The following CHD8 variants were observed in gnomAD, a reference collection of about 807,000 sequenced individuals.
CHD8 encodes the protein chromodomain helicase DNA binding protein 8, also known as ATP-dependent chromatin remodeler CHD8.
Under a neutral mutation model 279.2 loss-of-function variants are expected in CHD8, and 31 were observed. The ratio of observed to expected loss-of-function variants is 0.11; its 90% CI spans 0.08 to 0.15. The LOEUF is 0.15. Ranked by LOEUF, CHD8 falls within the 10% of genes least tolerant of loss-of-function variation. CHD8 has a pLI of 1.00. For synonymous variants in CHD8, 1,081 were observed against 1,139.6 expected (o/e 0.95, Z 1.04); for missense variants, 2,146 against 3,230.5 (o/e 0.66, Z 8.14).
intron 1 of CHD8, among the ~76,000 whole-genome samples, chr14:21,441,842 T>C (rs995808334): frequency 2.0e-5 from 3 of 151,912 alleles, no homozygotes; most frequent in Non-Finnish European, 4.4e-5. Flanking sequence ...TGAGCCAAGA[T>C]TGCGCCACTG....
At position 21,408,687 on chromosome 14, in the gene CHD8, C is replaced by T; in HGVS notation, c.2486+17G>A. ...CCAGAACTAAGCTTACATCTTATGGCCCATTCTTTCCTTTACCTGTTATAC... is the reference window on the plus strand; with the variant it reads ...CCAGAACTAAGCTTACATCTTATGGTCCATTCTTTCCTTTACCTGTTATAC... On this transcript the variant is annotated intron_variant, in intron 12 of 37. Transcript: ENST00000646647. This position sits in a 1 kb window ranked among gnomAD's most constrained non-coding sequence, Gnocchi z 4.3. The T allele has an allele frequency of 6.2e-7, 1 of 1,606,792 alleles. No homozygotes were observed. The highest frequency in any genetic ancestry group is 1.3e-5 in the African/African-American group (1 of 74,838).
At chr14:21,393,324 T>C (rs1887631511) in intron 32 of CHD8, 70 bp from the exon 33 acceptor site, 4 of 1,582,614 alleles carry the variant, frequency 2.5e-6, no homozygotes, top group South Asian at 1.1e-5. Context: ...TGGTATTATA[T>C]GGGCTTTGAA....
chr14:21,437,065 G>C, intron 1 of CHD8: 1 of 765,462 alleles, frequency 1.3e-6, no homozygotes, highest in African/African-American at 1.8e-5. Flanking sequence ...AAGATGCGGG[G>C]GGTGGGGGGT....
At chr14:21,429,542 G>T in intron 2 of CHD8, 1 of 702,126 alleles carries the variant, frequency 1.4e-6, no homozygotes, top group Non-Finnish European at 2.6e-6. Context: ...CCAGGCTAGA[G>T]TGCAGTGGCT....
At chr14:21,446,070 T>TA (rs2139569092) in intron 1 of CHD8, among the ~76,000 whole-genome samples, 1 of 152,100 alleles carries the variant, frequency 6.6e-6, no homozygotes, top group South Asian at 2.1e-4. Flanking sequence ...CAGGCACCTG[T>TA]AATCCCAGCT....
At chr14:21,445,391 G>A (rs1306327185) in intron 1 of CHD8, among the ~76,000 whole-genome samples, 1 of 151,440 alleles carries the variant, frequency 6.6e-6, no homozygotes, top group Non-Finnish European at 1.5e-5. Flanking sequence ...CCAAGATGGT[G>A]AAACCCTGGC....
chr14:21,387,073 T>C (rs1887282583), intron 37 of CHD8, among the ~76,000 whole-genome samples: 1 of 152,256 alleles, frequency 6.6e-6, no homozygotes, highest in Admixed American at 6.5e-5. Context: ...CATATCTGAA[T>C]TTTAAATGGC....
Position 21,415,784 on chromosome 14 carries a change from G to C in CHD8, c.1840C>G (p.Leu614Val), listed in dbSNP as rs1243468651. 1 of 1,613,956 alleles carries C rather than the reference G, an allele frequency of 6.2e-7. No individual in the cohort carries two copies. Among genetic ancestry groups the C allele is most frequent in the South Asian group, 1.1e-5 (1 of 91,084 alleles). Residue 614 changes from leucine to valine, a missense_variant, in exon 6 of 38, where the codon CTC becomes GTC. Around this residue, in one of 26 missense-constraint regions of CHD8, gnomAD observed 123 missense variants for 169.2 expected, o/e 0.73. Coordinates refer to ENST00000646647, the MANE Select transcript of CHD8 (RefSeq NM_001170629.2). ...TCTGGTTCTTGCACTGGTTCAGGGA[G>C]GATAGGCTCAGGTTTTATTGGACCA... ...VTGPIKPEPILPEPVQEPDGE... is the reference protein window; with the variant it reads ...VTGPIKPEPIVPEPVQEPDGE...
At chr14:21,432,928 T>A (rs572369295) in intron 1 of CHD8, among the ~76,000 whole-genome samples, 1 of 152,204 alleles carries the variant, frequency 6.6e-6, no homozygotes, top group African/African-American at 2.4e-5. Context: ...TTGTAAAAAG[T>A]TGCCCACTTC....
chr14:21,407,154 C>A (rs1295348400), intron 13 of CHD8, 122 bp from the exon 14 acceptor site: 5 of 689,114 alleles, frequency 7.3e-6, no homozygotes, highest in Non-Finnish European at 1.2e-5. Context: ...CCACCACCCA[C>A]CTCCACCGCT....
intron 5 of CHD8, among the ~76,000 whole-genome samples, chr14:21,417,865 A>T (rs536274525): frequency 0.18 from 17,214 of 97,502 alleles, 1,369 homozygotes; most frequent in Non-Finnish European, 0.25. Context: ...AAAAAAAAAA[A>T]ATATATATAT....
rs1282813100 is a variant in CHD8, at chr14:21,400,178, T to C, written c.4700A>G (p.Lys1567Arg). The stretch of plus-strand genomic sequence containing the variant: ...GTTACACTGATGTTTCAAGTGCTTC[T>C]TATAACTTTCATCTTGGAACAAAGT... ...PDTLFQDESY[K>R]KHLKHQCNKV... The change falls in exon 24 of 38, where the codon AAG (lysine) becomes AGG (arginine). Residue 1567 changes from lysine to arginine, a missense_variant. Lys to Arg is a conservative substitution (Grantham distance 26). This residue lies in a region of CHD8 where 73 missense variants were observed against 153.2 expected (regional missense o/e 0.48). Coordinates refer to ENST00000646647, the MANE Select transcript of CHD8 (RefSeq NM_001170629.2). This position sits in a 1 kb window ranked among gnomAD's most constrained non-coding sequence, Gnocchi z 4.2. 6.2e-7 allele frequency: 1 copy of C among 1,613,994 alleles called. No individual in the cohort carries two copies. Among genetic ancestry groups the C allele is most frequent in the Non-Finnish European group, 8.5e-7 (1 of 1,179,888 alleles).
At chr14:21,417,739 C>T (rs997639252) in intron 5 of CHD8, among the ~76,000 whole-genome samples, 63 of 150,624 alleles carry the variant, frequency 4.2e-4, no homozygotes, top group Non-Finnish European at 7.3e-4. Context: ...CTGTAGTCCC[C>T]GCTACTCGGG....
chr14:21,417,659 C>T (rs1888788595), intron 5 of CHD8, among the ~76,000 whole-genome samples: 1 of 151,720 alleles, frequency 6.6e-6, no homozygotes, highest in African/African-American at 2.4e-5. Context: ...TTGAGACCAT[C>T]CTGGCTAACA....
chr14:21,449,060 G>A (rs1343191113), intron 1 of CHD8, among the ~76,000 whole-genome samples: 1 of 152,058 alleles, frequency 6.6e-6, no homozygotes, highest in Non-Finnish European at 1.5e-5. Context: ...TGTAGTCCCA[G>A]CTACTCGGGA....
intron 9 of CHD8, 77 bp downstream of exon 9, chr14:21,414,224 G>A: frequency 1.3e-6 from 1 of 780,234 alleles, no homozygotes; most frequent in Non-Finnish European, 2.2e-6. Flanking sequence ...GTATTTTGAA[G>A]AATCAGCCAA....
chr14:21,447,932 A>C (rs570828431), intron 1 of CHD8, among the ~76,000 whole-genome samples: 1 of 152,276 alleles, frequency 6.6e-6, no homozygotes, highest in African/African-American at 2.4e-5. Context: ...GAAATCTCTA[A>C]CTGGGCCAAT....
chr14:21,403,354 T>A lies in CHD8; in HGVS notation c.3518+99A>T, dbSNP rs1566423528. 7.9e-7 allele frequency: 1 copy of A among 1,268,800 alleles called. No homozygotes were observed. The highest frequency in any genetic ancestry group is 2.5e-5 in the East Asian group (1 of 40,290). 78.6% of individuals were successfully genotyped at this position (1,268,800 alleles called of 1,614,324 possible). ...AGAGTGAGAATCTTAAAAACTTCTC[T>A]TATTGCAATTGGTGAACTCTAATTA... On this transcript the variant is annotated intron_variant, in intron 17 of 37. Coordinates refer to ENST00000646647, the MANE Select transcript of CHD8 (RefSeq NM_001170629.2). This position sits in a 1 kb window ranked among gnomAD's most constrained non-coding sequence, Gnocchi z 4.3.
intron 7 of CHD8, 113 bp from the exon 8 acceptor site, chr14:21,415,106 T>C: frequency 1.4e-6 from 1 of 714,164 alleles, no homozygotes; most frequent in Non-Finnish European, 2.4e-6. Flanking sequence ...AATATATTAA[T>C]AACTCAGAGA....
Sources: allele counts gnomAD v4.1 joint callset (sites outside exome capture counted in the v4.1 genomes callset), GRCh38; gene constraint gnomAD v4.1.1; regional missense constraint gnomAD v4.1.1; non-coding constraint Gnocchi (gnomAD v3.1); transcripts MANE v1.5; gene names NCBI Gene and HGNC (gene_info 2026-07-23, HGNC 2026-07-21).